The following EYS variants were observed in gnomAD, a reference collection of about 807,000 sequenced individuals.
EYS encodes the protein protein eyes shut homolog.
In EYS, 250 loss-of-function variants were observed where a neutral mutation model predicts 282.1. That is an observed-to-expected ratio of 0.89 (90% confidence interval 0.80 to 0.98). The LOEUF (loss-of-function observed/expected upper bound fraction) is 0.98. Among genes scored for constraint, EYS ranks in the 50% least tolerant of loss-of-function variants. EYS has a pLI of 0.00. For missense variants in EYS, 4,016 were observed against 3,709.0 expected (o/e 1.08, Z -2.15); for synonymous variants, 1,355 against 1,282.9 (o/e 1.06, Z -1.20).
chr6:63,748,481 C>T (rs534287094), intron 41 of EYS, among the ~76,000 whole-genome samples: 65 of 152,122 alleles, frequency 4.3e-4, no homozygotes, highest in African/African-American at 1.5e-3. Context: ...ATTTTGGTAC[C>T]AGGATAATGC....
intron 12 of EYS, among the ~76,000 whole-genome samples, chr6:65,289,515 G>T (rs1338523046): frequency 6.6e-6 from 1 of 150,986 alleles, no homozygotes; most frequent in Non-Finnish European, 1.5e-5. Flanking sequence ...ACTGCTTTCG[G>T]AAAAATGTAT....
intron 2 of EYS, among the ~76,000 whole-genome samples, chr6:65,516,380 T>C (rs1767136285): frequency 6.6e-6 from 1 of 152,122 alleles, no homozygotes; most frequent in Non-Finnish European, 1.5e-5. Context: ...GTACTTTTAA[T>C]GATGATAGGT....
At position 65,143,769 on chromosome 6, in the gene EYS, A is replaced by T. The variant is rs889435593; in HGVS notation, c.2024-86042T>A. ...CTACCACAGTATTTCCTTTTTGCAT[A>T]TGTCTCTGTTACTCCTCTAGACCAG... On this transcript the variant is annotated intron_variant, in intron 12 of 42. Transcript: ENST00000503581. Among the ~76,000 whole-genome samples the T allele has an allele frequency of 1.9e-3, 282 of 152,108 alleles. 1 individual carries two copies. The highest frequency in any genetic ancestry group is 6.5e-3 in the African/African-American group (271 of 41,532).
At chr6:65,195,903 T>C (rs1350976982) in intron 12 of EYS, among the ~76,000 whole-genome samples, 4 of 152,062 alleles carry the variant, frequency 2.6e-5, no homozygotes, top group African/African-American at 9.7e-5. Context: ...CACAGACTTC[T>C]GGAATAAAAA....
At chr6:65,663,678 T>C (rs1768086934) in intron 1 of EYS, among the ~76,000 whole-genome samples, 3 of 151,780 alleles carry the variant, frequency 2.0e-5, no homozygotes. Context: ...AAAATCTTTA[T>C]TTATTTATTT....
intron 12 of EYS, among the ~76,000 whole-genome samples, chr6:65,130,837 C>A (rs1184920338): frequency 4.1e-5 from 6 of 146,864 alleles, no homozygotes; most frequent in Middle Eastern, 3.4e-3. Flanking sequence ...CCCATAAAGA[C>A]TAAAAAAAAA....
intron 11 of EYS, chr6:65,330,402 G>A: frequency 1.0e-6 from 1 of 984,452 alleles, no homozygotes; most frequent in South Asian, 4.7e-5. Context: ...TCTGGGCATG[G>A]TATTAAGAAA....
At position 64,603,845 on chromosome 6, in the gene EYS, T is replaced by G. The variant is rs1269376441; in HGVS notation, c.3685-10536A>C. Among the ~76,000 whole-genome samples the G allele has an allele frequency of 2.7e-5, 4 of 148,370 alleles. No individual in the cohort carries two copies. The East Asian group carries it at 7.9e-4, about 29-fold the overall frequency. On this transcript the variant is annotated intron_variant, in intron 24 of 42. Coordinates refer to ENST00000503581, the MANE Select transcript of EYS (RefSeq NM_001142800.2). ...CCTCTGCTTAGGCTGTGTATACTACTAAAGTAAATGAATACCTGTGTGTGT... is the reference window on the plus strand; with the variant it reads ...CCTCTGCTTAGGCTGTGTATACTACGAAAGTAAATGAATACCTGTGTGTGT...
At chr6:65,497,727 C>T (rs759184828) in intron 2 of EYS, among the ~76,000 whole-genome samples, 2 of 152,056 alleles carry the variant, frequency 1.3e-5, no homozygotes, top group Non-Finnish European at 2.9e-5. Flanking sequence ...GAAACTGCGA[C>T]TTCAAGCAAA....
chr6:64,011,372 T>C (rs1768616765), intron 33 of EYS, among the ~76,000 whole-genome samples: 1 of 152,296 alleles, frequency 6.6e-6, no homozygotes, highest in East Asian at 1.9e-4. Flanking sequence ...GACATGTACA[T>C]AGAAAATTGT....
At chr6:65,662,888 T>C (rs1377798786) in intron 1 of EYS, among the ~76,000 whole-genome samples, 1 of 152,158 alleles carries the variant, frequency 6.6e-6, no homozygotes. Context: ...ATTTTACCTC[T>C]GGTAAACTAG....
At chr6:65,262,162 T>A (rs1209262171) in intron 12 of EYS, among the ~76,000 whole-genome samples, 1 of 152,128 alleles carries the variant, frequency 6.6e-6, no homozygotes, top group Admixed American at 6.6e-5. Flanking sequence ...TTCTGAGAAC[T>A]CATTATATCT....
intron 31 of EYS, among the ~76,000 whole-genome samples, chr6:64,218,528 T>C (rs112168134): frequency 2.2e-4 from 34 of 152,318 alleles, no homozygotes; most frequent in African/African-American, 7.0e-4. Context: ...ATTTTTCATT[T>C]CTCTGGCTCT....
At chr6:64,653,026 G>A (rs1022122666) in intron 22 of EYS, among the ~76,000 whole-genome samples, 1 of 152,162 alleles carries the variant, frequency 6.6e-6, no homozygotes, top group African/African-American at 2.4e-5. Context: ...ACGTTATTTA[G>A]AAATAGGATC....
At chr6:64,709,559 T>G (rs1771140048) in intron 22 of EYS, among the ~76,000 whole-genome samples, 1 of 152,206 alleles carries the variant, frequency 6.6e-6, no homozygotes, top group African/African-American at 2.4e-5. Flanking sequence ...ATACCCCTGT[T>G]AGGAAAGTCA....
In EYS at chr6:65,617,759, G is replaced by A. The variant is rs542554491; in HGVS notation, c.-333+22019C>T. On this transcript the variant is annotated intron_variant, in intron 2 of 42. Coordinates refer to ENST00000503581, the MANE Select transcript of EYS (RefSeq NM_001142800.2). Reference sequence around the variant, plus strand: ...GATGTTCCCCTTCCTGTGTCCATGTGTTCTCATTGTTCAATTTCCACCAAT... The same window carrying A: ...GATGTTCCCCTTCCTGTGTCCATGTATTCTCATTGTTCAATTTCCACCAAT... Among the ~76,000 whole-genome samples, 4 of 140,202 alleles carry A rather than the reference G, an allele frequency of 2.9e-5. No homozygotes were observed. In the South Asian group the frequency reaches 6.8e-4, roughly 24 times the overall value. The allele number at this position is 140,202 out of a possible 152,430, so 92.0% of individuals were successfully genotyped here. A position where few individuals can be genotyped will look rare whatever the true frequency, so the allele number is the denominator to read the frequency against.
chr6:64,997,344 AAC>A (rs1424795320), intron 14 of EYS, among the ~76,000 whole-genome samples: 2 of 152,316 alleles, frequency 1.3e-5, no homozygotes, highest in African/African-American at 4.8e-5. Context: ...CCAATAAGTG[AAC>A]AGTTTGTTAT....
chr6:65,067,184 A>G (rs575681915), intron 12 of EYS, among the ~76,000 whole-genome samples: 9 of 152,260 alleles, frequency 5.9e-5, no homozygotes, highest in African/African-American at 2.2e-4. Context: ...GGAGAATTCA[A>G]TTGGAAATTT....
chr6:64,808,547 T>A (rs1320139966), intron 22 of EYS, among the ~76,000 whole-genome samples: 1 of 151,704 alleles, frequency 6.6e-6, no homozygotes, highest in Non-Finnish European at 1.5e-5. Flanking sequence ...GTTCAGTGTC[T>A]CTAAATGTGC....
Sources: allele counts gnomAD v4.1 joint callset (sites outside exome capture counted in the v4.1 genomes callset), GRCh38; gene constraint gnomAD v4.1.1; transcripts MANE v1.5; gene names NCBI Gene and HGNC (gene_info 2026-07-23, HGNC 2026-07-21).